The following SPOCK3 variants were observed in gnomAD, a reference collection of about 807,000 sequenced individuals.
SPOCK3 encodes SPARC (osteonectin), cwcv and kazal like domains proteoglycan 3, also known as testican-3.
SPOCK3 carries 30 observed loss-of-function variants against 56.6 expected under a neutral mutation model. The observed-to-expected ratio is 0.53, with a 90% CI of 0.40 to 0.72. The LOEUF (loss-of-function observed/expected upper bound fraction) is 0.72. Ranked by LOEUF, SPOCK3 falls within the 30% of genes least tolerant of loss-of-function variation. SPOCK3 has a pLI of 0.00. For missense variants in SPOCK3, 527 were observed against 530.0 expected, an observed-to-expected ratio of 0.99 and a Z score of 0.06; for synonymous variants, 196 against 183.3, an observed-to-expected ratio of 1.07 and a Z score of -0.56.
At chr4:166,936,270 A>G (rs1180001048) in intron 4 of SPOCK3, among the ~76,000 whole-genome samples, 1 of 152,128 alleles carries the variant, frequency 6.6e-6, no homozygotes, top group African/African-American at 2.4e-5. Context: ...ATATTAACAT[A>G]TACTTTTTAA....
At chr4:166,884,459 T>G (rs1733994696) in intron 6 of SPOCK3, among the ~76,000 whole-genome samples, 1 of 152,160 alleles carries the variant, frequency 6.6e-6, no homozygotes, top group Admixed American at 6.5e-5. Context: ...ACAAATATTT[T>G]GCAAAATATG....
chr4:166,807,752 G>GA (rs1427804595), intron 6 of SPOCK3, among the ~76,000 whole-genome samples: 2 of 152,034 alleles, frequency 1.3e-5, no homozygotes, highest in Non-Finnish European at 2.9e-5. Flanking sequence ...CAGGTAAGAA[G>GA]AAAAAATTCT....
intron 3 of SPOCK3, among the ~76,000 whole-genome samples, chr4:167,060,787 ACTGACTGAAT>A (rs1755522424): frequency 6.6e-6 from 1 of 152,076 alleles, no homozygotes; most frequent in Admixed American, 6.6e-5. Context: ...GGGGGTTCAG[ACTGACTGAAT>A]GTAAATCTCC....
chr4:167,163,961 A>G (rs1765539640), intron 2 of SPOCK3, among the ~76,000 whole-genome samples: 1 of 152,154 alleles, frequency 6.6e-6, no homozygotes, highest in South Asian at 2.1e-4. Context: ...AAAAGTCTTC[A>G]TTTACTCCAT....
At chr4:167,202,813 C>G (rs1056499161) in intron 2 of SPOCK3, among the ~76,000 whole-genome samples, 15 of 150,762 alleles carry the variant, frequency 9.9e-5, no homozygotes, top group African/African-American at 3.6e-4. Context: ...ATTCTTAGCT[C>G]AAAACCAGAT....
intron 4 of SPOCK3, among the ~76,000 whole-genome samples, chr4:166,951,658 A>G (rs2150037338): frequency 7.1e-6 from 1 of 139,912 alleles, no homozygotes; most frequent in East Asian, 2.0e-4. Flanking sequence ...AATATCCTTG[A>G]TGAACATTGA....
At chr4:167,000,807 A>G (rs1341841460) in intron 3 of SPOCK3, among the ~76,000 whole-genome samples, 1 of 152,202 alleles carries the variant, frequency 6.6e-6, no homozygotes, top group East Asian at 1.9e-4. Context: ...GAAGTATTTT[A>G]TGACAGTGGA....
In SPOCK3 at chr4:167,157,753, AACACACAC is replaced by A. The variant is rs147752913; in HGVS notation, c.189+76224_189+76231del. On this transcript the variant is annotated intron_variant, in intron 2 of 10. Coordinates refer to ENST00000357545, the MANE Select transcript of SPOCK3 (RefSeq NM_001040159.2). ...CTAGTGCAATTTTTATTATTGTTTA[AACACACAC>A]ACACACACAGACACACCCCCAAACG... is the stretch of plus-strand genomic sequence containing the variant. 4.8e-4 allele frequency among the ~76,000 whole-genome samples: 72 copies of A among 150,644 alleles called. No individual in the cohort carries two copies. In the South Asian group the frequency reaches 0.015, roughly 31 times the overall value.
At chr4:166,925,757 T>C (rs1255335527) in intron 4 of SPOCK3, among the ~76,000 whole-genome samples, 3 of 152,050 alleles carry the variant, frequency 2.0e-5, no homozygotes, top group Non-Finnish European at 4.4e-5. Context: ...TGTGAAGAAA[T>C]TTTAAAAGCA....
chr4:167,020,592 C>T (rs1751072318), intron 3 of SPOCK3, among the ~76,000 whole-genome samples: 1 of 151,962 alleles, frequency 6.6e-6, no homozygotes, highest in Non-Finnish European at 1.5e-5. Flanking sequence ...TGTGTTCTTC[C>T]ACCTTCTGCC....
At chr4:166,843,178 C>G (rs925954399) in intron 6 of SPOCK3, among the ~76,000 whole-genome samples, 1 of 152,088 alleles carries the variant, frequency 6.6e-6, no homozygotes, top group East Asian at 1.9e-4. Flanking sequence ...TCCCTCCACA[C>G]CCCCCCGCAA....
At chr4:167,033,344 TTAAA>T (rs2150184838) in intron 3 of SPOCK3, among the ~76,000 whole-genome samples, 1 of 150,454 alleles carries the variant, frequency 6.6e-6, no homozygotes, top group Non-Finnish European at 1.5e-5. Flanking sequence ...ATTTGGTCCT[TTAAA>T]TAAAAATTCA....
chr4:166,739,805 T>C (rs561014579), intron 9 of SPOCK3, among the ~76,000 whole-genome samples: 2 of 152,146 alleles, frequency 1.3e-5, no homozygotes, highest in East Asian at 1.9e-4. Flanking sequence ...TGTAACCATA[T>C]AACATCATAA....
At chr4:166,874,089 C>G (rs1732802870) in intron 6 of SPOCK3, among the ~76,000 whole-genome samples, 1 of 152,068 alleles carries the variant, frequency 6.6e-6, no homozygotes, top group Admixed American at 6.6e-5. Context: ...AGAACAAAAT[C>G]TGTTGCTTTC....
In SPOCK3 at chr4:167,189,662, A is replaced by C. The variant is rs1473515934; in HGVS notation, c.189+44323T>G. Reference sequence around the variant, plus strand: ...TTACACTTAAGATCTACTGTCTAAAAACACTCAAGTATATAATACAGTATT... The same window carrying C: ...TTACACTTAAGATCTACTGTCTAAACACACTCAAGTATATAATACAGTATT... On this transcript the variant is annotated intron_variant, in intron 2 of 10. Transcript: ENST00000357545. 2.1e-5 allele frequency among the ~76,000 whole-genome samples: 3 copies of C among 144,754 alleles called. 1 individual carries two copies. Among genetic ancestry groups the C allele is most frequent in the Non-Finnish European group, 4.5e-5 (3 of 66,670 alleles). 95.0% of individuals were successfully genotyped at this position (144,754 alleles called of 152,430 possible). A position where few individuals can be genotyped will look rare whatever the true frequency, so the allele number is the denominator to read the frequency against.
intron 4 of SPOCK3, among the ~76,000 whole-genome samples, chr4:166,919,911 T>C (rs1333996936): frequency 2.0e-5 from 3 of 152,192 alleles, no homozygotes; most frequent in Non-Finnish European, 1.5e-5. Flanking sequence ...TTTTAAGAAC[T>C]AAACCAAGTA....
chr4:166,844,792 C>A (rs114800499), intron 6 of SPOCK3, among the ~76,000 whole-genome samples: 1 of 152,160 alleles, frequency 6.6e-6, no homozygotes, highest in African/African-American at 2.4e-5. Flanking sequence ...GCCTACCTAC[C>A]TAGATCCTAT....
chr4:166,839,510 G>T (rs1429904539), intron 6 of SPOCK3, among the ~76,000 whole-genome samples: 3 of 152,034 alleles, frequency 2.0e-5, no homozygotes, highest in African/African-American at 4.8e-5. Flanking sequence ...TGTCACTAAG[G>T]CAGACCATGG....
intron 2 of SPOCK3, among the ~76,000 whole-genome samples, chr4:167,085,072 G>C (rs912408050): frequency 6.6e-6 from 1 of 151,742 alleles, no homozygotes; most frequent in Non-Finnish European, 1.5e-5. Flanking sequence ...ATAGTGATCT[G>C]GATAAAAACT....
Sources: gnomAD v4.1 joint callset for allele counts (sites outside exome capture counted in the v4.1 genomes callset) on GRCh38, gnomAD v4.1.1 for gene constraint, MANE v1.5 for transcripts, NCBI Gene and HGNC (gene_info 2026-07-23, HGNC 2026-07-21) for gene names.